LRRIQ3: variants seen among roughly 807,000 people sequenced by gnomAD.
LRRIQ3 encodes the protein leucine rich repeats and IQ motif containing 3.
Under a neutral mutation model 59.3 loss-of-function variants are expected in LRRIQ3, and 75 were observed. That is an observed-to-expected ratio of 1.26 (90% CI 1.05 to 1.53). The LOEUF is 1.53. Among genes scored for constraint, LRRIQ3 ranks in the 40% most tolerant of loss-of-function variants. LRRIQ3 has a pLI of 0.00. For missense variants in LRRIQ3, 831 were observed against 710.0 expected, an observed-to-expected ratio of 1.17 and a Z score of -1.94; for synonymous variants, 250 against 231.3, an observed-to-expected ratio of 1.08 and a Z score of -0.73.
At chr1:74,037,218 A>G (rs1414962823) in intron 7 of LRRIQ3, among the ~76,000 whole-genome samples, 1 of 152,168 alleles carries the variant, frequency 6.6e-6, no homozygotes, top group East Asian at 1.9e-4. Context: ...AGACTTGATT[A>G]TTTTCTTGAG....
intron 4 of LRRIQ3, among the ~76,000 whole-genome samples, chr1:74,154,240 C>CAAACAAAAAAAAAAAAAAAAAAAA (rs1648176929): frequency 1.7e-5 from 1 of 57,290 alleles, no homozygotes; most frequent in African/African-American, 7.3e-5. Flanking sequence ...GACTCCTTCT[C>CAAACAAAAAAAAAAAAAAAAAAAA]AAAAAAAAAA....
chr1:74,088,960 A>T (rs183682572), intron 5 of LRRIQ3, among the ~76,000 whole-genome samples: 1 of 152,080 alleles, frequency 6.6e-6, no homozygotes, highest in Non-Finnish European at 1.5e-5. Flanking sequence ...AATTCTCACA[A>T]CTCAATAATA....
chr1:74,106,511 T>C (rs1202828890), intron 5 of LRRIQ3, among the ~76,000 whole-genome samples: 1 of 151,978 alleles, frequency 6.6e-6, no homozygotes, highest in Non-Finnish European at 1.5e-5. Context: ...GTTTGAAATA[T>C]AGGAAGTAGA....
At chr1:74,133,061 A>T (rs2100615907) in intron 4 of LRRIQ3, among the ~76,000 whole-genome samples, 1 of 152,310 alleles carries the variant, frequency 6.6e-6, no homozygotes, top group Middle Eastern at 3.4e-3. Flanking sequence ...AAATATGAAC[A>T]GACACTTCTC....
At position 74,041,900 on chromosome 1, in the gene LRRIQ3, T is replaced by G; in HGVS notation, c.1031A>C (p.Lys344Thr). ...TGATATCCTAAAACTGGTATCCAAT[T>G]TTTCATCCACAATTTCATCTTCAGA... The part of the protein sequence containing the change: ...QESEDEIVDE[K>T]LDTSFRISVF... Residue 344 changes from lysine to threonine, a missense_variant, in exon 7 of 8, where the codon AAA becomes ACA. Lys to Thr is a moderately conservative substitution (Grantham distance 78, BLOSUM62 -1). Transcript: ENST00000354431. The G allele has an allele frequency of 6.2e-7, 1 of 1,606,154 alleles. No homozygotes were observed. The highest frequency in any genetic ancestry group is 8.5e-7 in the Non-Finnish European group (1 of 1,175,498).
chr1:74,064,631 G>C (rs1557599494), intron 6 of LRRIQ3, among the ~76,000 whole-genome samples: 1 of 151,882 alleles, frequency 6.6e-6, no homozygotes. Flanking sequence ...ATATATCTGG[G>C]AATGGTTTCA....
In LRRIQ3 at chr1:74,183,501, T is replaced by C; in HGVS notation, c.184A>G (p.Ile62Val). Residue 62 changes from isoleucine (I) to valine (V), a missense_variant, in exon 2 of 8, where the codon ATT becomes GTT. Ile to Val is a conservative substitution (Grantham distance 29). Coordinates refer to ENST00000354431, the MANE Select transcript of LRRIQ3 (RefSeq NM_001105659.2). ...CTTTGAAGTGGATGAATATCTGTAA[T>C]AAAATTGTTTGAGAAGATGCATACT... The part of the protein sequence containing the change: ...LRVCIFSNNF[I>V]TDIHPLQSCI... The C allele has an allele frequency of 6.2e-7, 1 of 1,611,110 alleles. No homozygotes were observed. The highest frequency in any genetic ancestry group is 8.5e-7 in the Non-Finnish European group (1 of 1,178,322).
intron 4 of LRRIQ3, among the ~76,000 whole-genome samples, chr1:74,129,747 C>A (rs1024564199): frequency 2.0e-5 from 3 of 151,978 alleles, no homozygotes; most frequent in Non-Finnish European, 2.9e-5. Context: ...ATGAGTACTG[C>A]CTGGGTACCA....
intron 5 of LRRIQ3, among the ~76,000 whole-genome samples, chr1:74,084,629 G>A (rs1016064914): frequency 5.3e-5 from 8 of 151,566 alleles, no homozygotes; most frequent in African/African-American, 1.9e-4. Context: ...CTCTCTAGTA[G>A]TATTATCAAG....
chr1:74,127,077 G>T (rs1601153), intron 4 of LRRIQ3, among the ~76,000 whole-genome samples: 74,681 of 151,660 alleles, frequency 0.49, 18,677 homozygotes, highest in East Asian at 0.77. Flanking sequence ...TCCCCTTGCT[G>T]AATTGACCTC....
chr1:74,157,368 C>A (rs577259004), intron 3 of LRRIQ3, among the ~76,000 whole-genome samples: 1 of 152,014 alleles, frequency 6.6e-6, no homozygotes, highest in Non-Finnish European at 1.5e-5. Context: ...AAGATTGGCA[C>A]TCTATTATGA....
intron 5 of LRRIQ3, among the ~76,000 whole-genome samples, chr1:74,093,974 T>C (rs1252421397): frequency 6.6e-6 from 1 of 152,070 alleles, no homozygotes; most frequent in Non-Finnish European, 1.5e-5. Flanking sequence ...ACATAGTCTT[T>C]TTTTTCTCAC....
Position 74,041,803 on chromosome 1 carries a change from A to G in LRRIQ3, c.1128T>C (p.His376=). The change falls in exon 7 of 8, where the codon CAT becomes CAC. Residue 376 remains histidine (H), a synonymous_variant. Transcript: ENST00000354431. ...TTGGCTGAGGATATGCAGGAAAAAA[A>G]TGTTGTTTTTTCTCTCTCAATACTG... ...NNAVLREKKQ[H]FFPAYPQPIY... 1 of 1,613,622 alleles carries G rather than the reference A, an allele frequency of 6.2e-7. No homozygotes were observed. Among genetic ancestry groups the G allele is most frequent in the Non-Finnish European group, 8.5e-7 (1 of 1,179,754 alleles).
intron 6 of LRRIQ3, 92 bp downstream of exon 6, chr1:74,074,569 C>T (rs1319268662): frequency 9.4e-6 from 5 of 532,238 alleles, no homozygotes; most frequent in Non-Finnish European, 1.4e-5. Flanking sequence ...TGGATTTATA[C>T]TTGCAAATCA....
intron 6 of LRRIQ3, among the ~76,000 whole-genome samples, chr1:74,056,831 C>CCCACATT (rs1420944671): frequency 6.6e-6 from 1 of 152,104 alleles, no homozygotes; most frequent in Admixed American, 6.6e-5. Context: ...AATTGTTACC[C>CCCACATT]CCACATGTTG....
At chr1:74,103,557 T>A (rs1343094137) in intron 5 of LRRIQ3, among the ~76,000 whole-genome samples, 2 of 151,876 alleles carry the variant, frequency 1.3e-5, no homozygotes, top group African/African-American at 4.8e-5. Context: ...CACAAAACAA[T>A]GACATAAATT....
At chr1:74,067,159 G>A (rs968236001) in intron 6 of LRRIQ3, among the ~76,000 whole-genome samples, 58 of 152,170 alleles carry the variant, frequency 3.8e-4, no homozygotes, top group African/African-American at 1.4e-3. Flanking sequence ...GAATCTCTAC[G>A]TGTGCAGTAT....
intron 4 of LRRIQ3, among the ~76,000 whole-genome samples, chr1:74,122,464 C>T (rs1179834131): frequency 6.6e-6 from 1 of 151,856 alleles, no homozygotes; most frequent in African/African-American, 2.4e-5. Flanking sequence ...TTCCATGGTA[C>T]TGGTACCAAA....
intron 3 of LRRIQ3, among the ~76,000 whole-genome samples, chr1:74,178,419 A>G (rs1037197384): frequency 1.4e-4 from 22 of 152,184 alleles, no homozygotes; most frequent in Non-Finnish European, 3.1e-4. Context: ...AAATTTTACA[A>G]AAATTATTTA....
Sources: gnomAD v4.1 joint callset for allele counts (sites outside exome capture counted in the v4.1 genomes callset) on GRCh38, gnomAD v4.1.1 for gene constraint, MANE v1.5 for transcripts, NCBI Gene and HGNC (gene_info 2026-07-23, HGNC 2026-07-21) for gene names.